SOCS2: variants seen among roughly 807,000 people sequenced by gnomAD.
SOCS2 encodes suppressor of cytokine signaling 2, also known as CIS-2.
In SOCS2, 10 loss-of-function variants were observed where a neutral mutation model predicts 18.6. The observed-to-expected ratio is 0.54, with a 90% confidence interval of 0.33 to 0.91. The LOEUF is 0.91. SOCS2 is among the 40% of genes least tolerant of loss of function. The pLI is 0.02. For synonymous variants in SOCS2, 104 were observed against 104.0 expected (o/e 1.00, Z 0.00); for missense variants, 231 against 247.2 (o/e 0.93, Z 0.44).
the SOCS2 span, among the ~76,000 whole-genome samples, chr12:93,614,669 G>A: frequency 7.0e-6 from 1 of 143,636 alleles, no homozygotes; most frequent in African/African-American, 2.6e-5. Context: ...AGGCTGGAGT[G>A]CAGTGGTGTG....
the SOCS2 span, among the ~76,000 whole-genome samples, chr12:93,591,643 G>T: frequency 6.6e-6 from 1 of 152,144 alleles, no homozygotes; most frequent in Non-Finnish European, 1.5e-5. Context: ...GAGCCCCACG[G>T]AGCTGTGGCG....
At chr12:93,597,749 G>T in the SOCS2 span, among the ~76,000 whole-genome samples, 11 of 152,124 alleles carry the variant, frequency 7.2e-5, no homozygotes, top group African/African-American at 2.4e-4. Flanking sequence ...AAATATTGTT[G>T]TACTTCCTTT....
the SOCS2 span, among the ~76,000 whole-genome samples, chr12:93,589,203 GCCTTGCAGTCTGCGAC>G: frequency 1.3e-5 from 2 of 152,190 alleles, no homozygotes; most frequent in Non-Finnish European, 2.9e-5. Flanking sequence ...GGCAGGCAGT[GCCTTGCAGTCTGCGAC>G]CCCATCATAT....
chr12:93,581,183 T>C (rs746025819), downstream of SOCS2, among the ~76,000 whole-genome samples: 2 of 152,204 alleles, frequency 1.3e-5, no homozygotes, highest in African/African-American at 2.4e-5. Flanking sequence ...GCATAAATTA[T>C]TGATAGATTG....
the SOCS2 span, among the ~76,000 whole-genome samples, chr12:93,599,778 GC>G: frequency 2.0e-5 from 3 of 152,330 alleles, no homozygotes; most frequent in East Asian, 5.8e-4. Flanking sequence ...TCTTGCACAT[GC>G]ATGCTGTCTT....
downstream of SOCS2, among the ~76,000 whole-genome samples, chr12:93,579,295 G>A (rs568617222): frequency 6.6e-6 from 1 of 152,314 alleles, no homozygotes; most frequent in South Asian, 2.1e-4. Context: ...CTGGCCGCAT[G>A]ATACTCCAGT....
In SOCS2 at chr12:93,574,852, T is replaced by G; in HGVS notation, c.270T>G (p.Ala90=). Residue 90 remains alanine (A), a synonymous_variant, in exon 2 of 2, where the codon GCT becomes GCG. Transcript: ENST00000551556. Reference sequence around the variant, plus strand: ...TAACAATATCTGTTAAAACATCAGCTGGACCAACTAATCTTCGAATCGAAT... The same window carrying G: ...TAACAATATCTGTTAAAACATCAGCGGGACCAACTAATCTTCGAATCGAAT... ...YLLTISVKTS[A]GPTNLRIEYQ... is the part of the protein sequence containing the mutation. 1 of 1,614,220 alleles carries G rather than the reference T, an allele frequency of 6.2e-7. No individual in the cohort carries two copies.
chr12:93,624,670 T>A, the SOCS2 span, among the ~76,000 whole-genome samples: 1 of 152,216 alleles, frequency 6.6e-6, no homozygotes, highest in Non-Finnish European at 1.5e-5. Flanking sequence ...CAAGTCACTC[T>A]GGAAGGCACT....
chr12:93,614,386 T>TTTCTTTCG, the SOCS2 span, among the ~76,000 whole-genome samples: 1 of 137,934 alleles, frequency 7.2e-6, no homozygotes, highest in East Asian at 2.1e-4. Context: ...TCTTTCTTTC[T>TTTCTTTCG]TTCTTTCTTT....
chr12:93,589,992 G>A, the SOCS2 span, among the ~76,000 whole-genome samples: 3 of 152,150 alleles, frequency 2.0e-5, no homozygotes, highest in East Asian at 1.9e-4. Context: ...GGTGGCTCAC[G>A]CCTGTAATCC....
the SOCS2 span, among the ~76,000 whole-genome samples, chr12:93,619,251 C>T: frequency 2.0e-4 from 31 of 152,270 alleles, no homozygotes; most frequent in Non-Finnish European, 3.7e-4. Context: ...TTCCTCCTCC[C>T]ACCTTCAGAT....
chr12:93,571,738 G>A, upstream of SOCS2: 1 of 315,414 alleles, frequency 3.2e-6, no homozygotes, highest in Non-Finnish European at 6.3e-6. Flanking sequence ...CGCGGGGCTG[G>A]TTGCATCCCC....
chr12:93,608,170 G>GTT, the SOCS2 span, among the ~76,000 whole-genome samples: 3 of 145,502 alleles, frequency 2.1e-5, no homozygotes, highest in African/African-American at 5.0e-5. Context: ...TTGTTTTTTG[G>GTT]TTTTTTTTTT....
chr12:93,572,789 C>A lies in SOCS2; in HGVS notation c.-109C>A. On this transcript the variant is annotated 5_prime_UTR_variant, in exon 1 of 2. Coordinates refer to ENST00000551556, the MANE Select transcript of SOCS2 (RefSeq NM_001270471.2). This position sits in a 1 kb window ranked among gnomAD's most constrained non-coding sequence, Gnocchi z 5.0. ...CTCTCTCTGCCACCATTTCGGACAC[C>A]CCGCAGGGACTCGTTTTGGGATTCG... 2 of 1,414,430 alleles carry A rather than the reference C, an allele frequency of 1.4e-6. No individual in the cohort carries two copies. Among genetic ancestry groups the A allele is most frequent in the Non-Finnish European group, 1.9e-6 (2 of 1,027,878 alleles). 87.6% of individuals were successfully genotyped at this position (1,414,430 alleles called of 1,614,324 possible).
downstream of SOCS2, among the ~76,000 whole-genome samples, chr12:93,580,590 C>T (rs1377154915): frequency 1.5e-5 from 2 of 137,434 alleles, no homozygotes; most frequent in Non-Finnish European, 3.0e-5. Context: ...CACTGCACTC[C>T]AGCCTGGGCA....
chr12:93,614,406 T>C, the SOCS2 span, among the ~76,000 whole-genome samples: 2 of 142,438 alleles, frequency 1.4e-5, no homozygotes, highest in African/African-American at 5.5e-5. Context: ...TCTTTCTTTC[T>C]TTCTTTCTTT....
the SOCS2 span, among the ~76,000 whole-genome samples, chr12:93,612,371 T>C: frequency 2.0e-5 from 3 of 152,150 alleles, no homozygotes; most frequent in Non-Finnish European, 4.4e-5. Context: ...ACTTTTTTTT[T>C]TTCTGTGATT....
chr12:93,603,497 T>C, the SOCS2 span, among the ~76,000 whole-genome samples: 1 of 152,202 alleles, frequency 6.6e-6, no homozygotes, highest in Admixed American at 6.5e-5. Context: ...CCTTTCCACA[T>C]CCCATAATGG....
chr12:93,623,767 C>T, the SOCS2 span, among the ~76,000 whole-genome samples: 4 of 152,050 alleles, frequency 2.6e-5, no homozygotes, highest in Non-Finnish European at 4.4e-5. Context: ...AGTGCAATCG[C>T]GATCTCAGCT....
Sources: gnomAD v4.1 joint callset for allele counts (sites outside exome capture counted in the v4.1 genomes callset) on GRCh38, gnomAD v4.1.1 for gene constraint, Gnocchi (gnomAD v3.1) non-coding constraint, MANE v1.5 for transcripts, NCBI Gene and HGNC (gene_info 2026-07-23, HGNC 2026-07-21) for gene names.